Variants in ECPAS observed in about 807,000 individuals in gnomAD.
The protein encoded by ECPAS is Ecm29 proteasome adaptor and scaffold, also known as proteasome adapter and scaffold protein ECM29.
ECPAS carries 70 observed loss-of-function variants against 255.1 expected under a neutral mutation model. The ratio of observed to expected loss-of-function variants is 0.27; its 90% confidence interval spans 0.23 to 0.33. ECPAS has a LOEUF of 0.33. Ranked by LOEUF, ECPAS falls within the 10% of genes least tolerant of loss-of-function variation. ECPAS has a pLI of 1.00. For synonymous variants in ECPAS, 784 were observed against 775.0 expected (o/e 1.01, Z -0.19); for missense variants, 1,817 against 2,206.4 (o/e 0.82, Z 3.54).
chr9:111,446,152 T>C (rs1409424168), intron 3 of ECPAS, among the ~76,000 whole-genome samples: 1 of 152,204 alleles, frequency 6.6e-6, no homozygotes, highest in African/African-American at 2.4e-5. Flanking sequence ...ATTCTGAATA[T>C]CATCTGATAC....
In ECPAS at chr9:111,361,108, T is replaced by C. The variant is rs942829066; in HGVS notation, c.*922A>G. ...GCTTTCCTTCTCCCCTATAAAGTCA[T>C]ACTGGTAGCATAAAAGTGAACAGAA... On this transcript the variant is annotated 3_prime_UTR_variant, in exon 50 of 50. Transcript: ENST00000684092. The C allele has an allele frequency of 2.6e-5, 4 of 152,218 alleles. No individual in the cohort carries two copies. Among genetic ancestry groups the C allele is most frequent in the African/African-American group, 9.6e-5 (4 of 41,462 alleles). The allele number at this position is 152,218 out of a possible 1,614,324, so 9.4% of individuals were successfully genotyped here. A position where few individuals can be genotyped will look rare whatever the true frequency, so the allele number is the denominator to read the frequency against.
rs1554786298 is a variant in ECPAS at position 111,407,428 on chromosome 9, A to AAAG, written c.2652+1142_2652+1143insCTT. On this transcript the variant is annotated intron_variant, in intron 24 of 49. Transcript: ENST00000684092. ...GAAAAAAAAAAAAAAAAAAAAAAAA[A>AAAG]AAAAAAAAAACCTAGAAGAAACCCA... is the stretch of plus-strand genomic sequence containing the variant. Among the ~76,000 whole-genome samples the AAAG allele has an allele frequency of 1.1e-3, 105 of 98,824 alleles. 6 individuals carry two copies. The highest frequency in any genetic ancestry group is 5.5e-3 in the Middle Eastern group (1 of 182). 64.8% of individuals were successfully genotyped at this position (98,824 alleles called of 152,430 possible).
chr9:111,467,008 A>G (rs2098280407), intron 2 of ECPAS, among the ~76,000 whole-genome samples: 1 of 152,218 alleles, frequency 6.6e-6, no homozygotes, highest in Admixed American at 6.5e-5. Flanking sequence ...TCCTACCCGC[A>G]TAAAAAGAAA....
At chr9:111,431,820 T>C (rs964789807) in intron 8 of ECPAS, among the ~76,000 whole-genome samples, 1 of 152,206 alleles carries the variant, frequency 6.6e-6, no homozygotes, top group African/African-American at 2.4e-5. Context: ...CTTCTTAGAA[T>C]AGCCACAATT....
intron 6 of ECPAS, among the ~76,000 whole-genome samples, chr9:111,440,034 CT>C (rs200543794): frequency 0.13 from 18,964 of 147,168 alleles, 1,444 homozygotes; most frequent in East Asian, 0.33. Context: ...AAAAGAGAAA[CT>C]TTTTTTTTTT....
chr9:111,432,476 T>C (rs1407389388), intron 8 of ECPAS, among the ~76,000 whole-genome samples: 1 of 152,172 alleles, frequency 6.6e-6, no homozygotes, highest in African/African-American at 2.4e-5. Context: ...TAGGCAGGCA[T>C]GGTGGCCAGC....
At position 111,411,715 on chromosome 9, in the gene ECPAS, G is replaced by A. The variant is rs1333541759; in HGVS notation, c.2214+299C>T. 6.2e-5 allele frequency: 16 copies of A among 257,714 alleles called. No homozygotes were observed. In the South Asian group the frequency reaches 8.9e-4, roughly 14 times the overall value. 16.0% of individuals were successfully genotyped at this position (257,714 alleles called of 1,614,324 possible). On this transcript the variant is annotated intron_variant, in intron 21 of 49. Transcript: ENST00000684092. ...AGTTTCCAAGATCAGATGAGATTAG[G>A]TGTGTTCACGGTGGTACGGCTGCAG...
chr9:111,388,011 T>C (rs188614310), intron 31 of ECPAS, among the ~76,000 whole-genome samples: 44 of 152,346 alleles, frequency 2.9e-4, no homozygotes, highest in African/African-American at 1.0e-3. Flanking sequence ...TGAGTTTTAC[T>C]TTTTAAGCCT....
At chr9:111,382,478 G>C (rs1359504812) in intron 35 of ECPAS, among the ~76,000 whole-genome samples, 2 of 151,780 alleles carry the variant, frequency 1.3e-5, no homozygotes, top group Admixed American at 6.6e-5. Context: ...ATGTTGGCCA[G>C]GTTGGTCTCA....
At chr9:111,447,616 T>C (rs180685677) in intron 3 of ECPAS, among the ~76,000 whole-genome samples, 55 of 152,306 alleles carry the variant, frequency 3.6e-4, no homozygotes, top group African/African-American at 1.3e-3. Flanking sequence ...TCAAAGAGTT[T>C]AGCACAATGC....
At chr9:111,414,038 C>T (rs1022606594) in intron 19 of ECPAS, 52 bp from the exon 20 acceptor site, 1 of 1,212,048 alleles carries the variant, frequency 8.3e-7, no homozygotes, top group Non-Finnish European at 1.2e-6. Flanking sequence ...AATGAACATA[C>T]AGGGATCACT....
chr9:111,479,413 C>A, intron 1 of ECPAS, among the ~76,000 whole-genome samples: 1 of 151,050 alleles, frequency 6.6e-6, no homozygotes, highest in Middle Eastern at 3.4e-3. Flanking sequence ...CTGGCCAACA[C>A]GGTGAAATCC....
At chr9:111,422,764 A>G (rs561655931) in intron 13 of ECPAS, among the ~76,000 whole-genome samples, 1 of 152,306 alleles carries the variant, frequency 6.6e-6, no homozygotes, top group African/African-American at 2.4e-5. Flanking sequence ...AGGAACTGGA[A>G]TGAGGAAATC....
intron 8 of ECPAS, among the ~76,000 whole-genome samples, chr9:111,432,372 G>C (rs1035173771): frequency 1.3e-5 from 2 of 152,246 alleles, no homozygotes; most frequent in African/African-American, 4.8e-5. Context: ...CCAGCACTTT[G>C]GGAGGCCAAG....
intron 16 of ECPAS, 144 bp from the exon 17 acceptor site, chr9:111,418,150 CA>C (rs2098207312): frequency 1.5e-6 from 1 of 685,206 alleles, no homozygotes; most frequent in Non-Finnish European, 2.3e-6. Flanking sequence ...TAAGCAGAGT[CA>C]ACATAACACA....
At position 111,376,891 on chromosome 9, in the gene ECPAS, A is replaced by C. The variant is rs537364018; in HGVS notation, c.3955-350T>G. On this transcript the variant is annotated intron_variant, in intron 36 of 49. Transcript: ENST00000684092. ...TCTAAGGTTTTTAAAATTGTGTCTA[A>C]GCAGTAGAAAATTTTATACGTGCAG... 2.0e-4 allele frequency among the ~76,000 whole-genome samples: 30 copies of C among 152,344 alleles called. No homozygotes were observed. In the South Asian group the frequency reaches 5.8e-3, roughly 29 times the overall value.
Position 111,394,020 on chromosome 9 carries a change from G to A in ECPAS, c.2922+140C>T. The A allele has an allele frequency of 4.5e-6, 4 of 881,498 alleles. No individual in the cohort carries two copies. In the Admixed American group the frequency reaches 1.3e-4, roughly 29 times the overall value. The allele number at this position is 881,498 out of a possible 1,614,324, so 54.6% of individuals were successfully genotyped here. On this transcript the variant is annotated intron_variant, in intron 26 of 49. Transcript: ENST00000684092. ...TCATCTTCCAGCCTATATACATCAG[G>A]CCACCATCCTTCATTCCTTCATGTA...
chr9:111,381,118 T>C (rs1048894359), intron 35 of ECPAS, among the ~76,000 whole-genome samples: 1 of 152,274 alleles, frequency 6.6e-6, no homozygotes, highest in Non-Finnish European at 1.5e-5. Flanking sequence ...GCTTTCAGCC[T>C]ATCTCAGCTT....
At chr9:111,392,924 T>A (rs749142508) in intron 27 of ECPAS, 42 bp from the exon 28 acceptor site, 2 of 1,400,504 alleles carry the variant, frequency 1.4e-6, no homozygotes, top group Admixed American at 2.1e-5. Flanking sequence ...TTAAAAAAAA[T>A]TTTGTCTACT....
Sources: allele counts gnomAD v4.1 joint callset (sites outside exome capture counted in the v4.1 genomes callset), GRCh38; gene constraint gnomAD v4.1.1; transcripts MANE v1.5; gene names NCBI Gene and HGNC (gene_info 2026-07-23, HGNC 2026-07-21).